The following SATB2 variants were observed in gnomAD, a reference collection of about 807,000 sequenced individuals.
SATB2 encodes SATB homeobox 2.
Under a neutral mutation model 73.4 loss-of-function variants are expected in SATB2, and 1 was observed. The observed-to-expected ratio is 0.01, with a 90% CI of 0.00 to 0.06. The LOEUF (loss-of-function observed/expected upper bound fraction) is 0.06. SATB2 is among the 10% of genes least tolerant of loss of function. The probability of loss-of-function intolerance (pLI) is 1.00; values close to 1 mark genes in which losing one functional copy is unlikely to be tolerated. For missense variants in SATB2, 459 were observed against 945.8 expected, an observed-to-expected ratio of 0.49 and a Z score of 6.75; for synonymous variants, 397 against 367.0, an observed-to-expected ratio of 1.08 and a Z score of -0.93.
chr2:199,295,868 C>A (rs1051683102), intron 10 of SATB2, among the ~76,000 whole-genome samples: 7 of 152,250 alleles, frequency 4.6e-5, no homozygotes, highest in African/African-American at 1.7e-4. Context: ...TTTGCTTGAT[C>A]TCCCATTTCT....
intron 3 of SATB2, among the ~76,000 whole-genome samples, chr2:199,395,084 T>C (rs1004219359): frequency 6.6e-6 from 1 of 152,148 alleles, no homozygotes; most frequent in Non-Finnish European, 1.5e-5. Flanking sequence ...TCATGTCTAA[T>C]TTTCTTTTTT....
intron 5 of SATB2, among the ~76,000 whole-genome samples, chr2:199,377,670 C>G (rs773859181): frequency 6.6e-6 from 1 of 151,930 alleles, no homozygotes; most frequent in Non-Finnish European, 1.5e-5. Flanking sequence ...ATATGGAGTC[C>G]GTACTTCCTA....
chr2:199,334,994 G>A (rs1310107880), intron 7 of SATB2, among the ~76,000 whole-genome samples: 1 of 151,994 alleles, frequency 6.6e-6, no homozygotes, highest in Non-Finnish European at 1.5e-5. Context: ...GAATCTGGCT[G>A]CTGAAATTCA....
At chr2:199,283,291 C>T (rs1175192380) in intron 10 of SATB2, among the ~76,000 whole-genome samples, 4 of 143,888 alleles carry the variant, frequency 2.8e-5, no homozygotes, top group African/African-American at 1.0e-4. Flanking sequence ...GGGGTTTCAT[C>T]GTATTAGCCA....
chr2:199,379,685 T>TC (rs1559016210), intron 5 of SATB2, among the ~76,000 whole-genome samples: 6 of 134,132 alleles, frequency 4.5e-5, no homozygotes, highest in South Asian at 5.0e-4. Flanking sequence ...TTCTTTTCTT[T>TC]TTTTTTTTTT....
At chr2:199,454,381 C>T (rs1300546054) in intron 2 of SATB2, among the ~76,000 whole-genome samples, 1 of 152,104 alleles carries the variant, frequency 6.6e-6, no homozygotes, top group Non-Finnish European at 1.5e-5. Flanking sequence ...CAGCACTTAG[C>T]ATATCTCATA....
intron 3 of SATB2, among the ~76,000 whole-genome samples, chr2:199,422,406 A>C (rs7421699): frequency 2.6e-5 from 4 of 152,088 alleles, no homozygotes; most frequent in Non-Finnish European, 5.9e-5. Context: ...ATACAAAAAT[A>C]GGGTCTAACA....
chr2:199,461,439 T>C (rs556436054), upstream of SATB2, among the ~76,000 whole-genome samples: 20 of 152,346 alleles, frequency 1.3e-4, no homozygotes, highest in African/African-American at 4.6e-4. Context: ...TTTGGTTTCG[T>C]TTTGTATCCC....
At chr2:199,398,228 C>T (rs1284274452) in intron 3 of SATB2, among the ~76,000 whole-genome samples, 2 of 152,044 alleles carry the variant, frequency 1.3e-5, no homozygotes, top group South Asian at 2.1e-4. Context: ...CACACAGGAA[C>T]GAAAGACTAC....
chr2:199,421,676 G>A (rs1378739563), intron 3 of SATB2, among the ~76,000 whole-genome samples: 1 of 152,062 alleles, frequency 6.6e-6, no homozygotes, highest in African/African-American at 2.4e-5. Flanking sequence ...ACAAAATGTG[G>A]GTAAGAACAA....
chr2:199,294,737 A>T (rs1692974793), intron 10 of SATB2, among the ~76,000 whole-genome samples: 1 of 152,216 alleles, frequency 6.6e-6, no homozygotes, highest in Non-Finnish European at 1.5e-5. Context: ...CTTAAAAAAA[A>T]TCATTGCATG....
At chr2:199,418,813 CAA>C (rs1691077552) in intron 3 of SATB2, among the ~76,000 whole-genome samples, 1 of 152,124 alleles carries the variant, frequency 6.6e-6, no homozygotes, top group African/African-American at 2.4e-5. Context: ...GAATCAGATG[CAA>C]AAGAGACTAT....
At chr2:199,425,549 C>G (rs1035281669) in intron 3 of SATB2, among the ~76,000 whole-genome samples, 8 of 152,130 alleles carry the variant, frequency 5.3e-5, no homozygotes, top group Non-Finnish European at 7.4e-5. Context: ...ACATTCATTT[C>G]TTGCCCTCAA....
At chr2:199,288,299 C>T (rs1692745467) in intron 10 of SATB2, among the ~76,000 whole-genome samples, 1 of 152,164 alleles carries the variant, frequency 6.6e-6, no homozygotes, top group Admixed American at 6.5e-5. Context: ...CAAACCTCAG[C>T]CAAGAACCAG....
chr2:199,284,098 C>A (rs915913550), intron 10 of SATB2, among the ~76,000 whole-genome samples: 2 of 152,214 alleles, frequency 1.3e-5, no homozygotes, highest in African/African-American at 2.4e-5. Context: ...TACCTTTTAA[C>A]CTTTCAAGCA....
At chr2:199,294,120 G>A (rs1574479447) in intron 10 of SATB2, among the ~76,000 whole-genome samples, 1 of 152,218 alleles carries the variant, frequency 6.6e-6, no homozygotes, top group Non-Finnish European at 1.5e-5. Flanking sequence ...TGCTGCAAAT[G>A]TAGATGAATA....
intron 3 of SATB2, among the ~76,000 whole-genome samples, chr2:199,398,847 G>A (rs2105889704): frequency 6.6e-6 from 1 of 152,252 alleles, no homozygotes; most frequent in East Asian, 1.9e-4. Context: ...AAGACTCACA[G>A]AATGAAGACT....
Position 199,464,109 on chromosome 2 carries a change from C to A in SATB2, c.-141+727G>T, listed in dbSNP as rs1692541441. Among the ~76,000 whole-genome samples, 1 of 152,186 alleles carries A rather than the reference C, an allele frequency of 6.6e-6. No homozygotes were observed. The highest frequency in any genetic ancestry group is 1.5e-5 in the Non-Finnish European group (1 of 68,032). Reference sequence around the variant, plus strand: ...GGGCCAACTTAGAGGGCTTCCCGAGCTGGCGCCTCGCCTGTTTTCTCGGTA... The same window carrying A: ...GGGCCAACTTAGAGGGCTTCCCGAGATGGCGCCTCGCCTGTTTTCTCGGTA... On this transcript the variant is annotated intron_variant, in intron 1 of 11. Coordinates refer to the SATB2 transcript ENST00000260926. This position sits in a 1 kb window ranked among gnomAD's most constrained non-coding sequence, Gnocchi z 6.6.
chr2:199,300,376 A>C (rs1011702873), intron 10 of SATB2, among the ~76,000 whole-genome samples: 3 of 135,136 alleles, frequency 2.2e-5, no homozygotes, highest in Non-Finnish European at 4.7e-5. Context: ...CCAAAATGTC[A>C]AAAAAAAAAA....
Sources: allele counts gnomAD v4.1 joint callset (sites outside exome capture counted in the v4.1 genomes callset), GRCh38; gene constraint gnomAD v4.1.1; non-coding constraint Gnocchi (gnomAD v3.1); transcripts MANE v1.5; gene names NCBI Gene and HGNC (gene_info 2026-07-23, HGNC 2026-07-21).